Variants in PRKCQ observed in about 807,000 individuals in gnomAD.
The protein encoded by PRKCQ is protein kinase C theta.
A neutral mutation model predicts 91.2 loss-of-function variants in PRKCQ; 41 were observed. The observed-to-expected ratio is 0.45, with a 90% CI of 0.35 to 0.58. The LOEUF (loss-of-function observed/expected upper bound fraction) is 0.58, where lower values mean the gene tolerates loss of function less well. Among genes scored for constraint, PRKCQ ranks in the 20% least tolerant of loss-of-function variants. PRKCQ has a pLI of 0.00. For missense variants in PRKCQ, 673 were observed against 896.5 expected, an observed-to-expected ratio of 0.75 and a Z score of 3.18; for synonymous variants, 307 against 316.9, an observed-to-expected ratio of 0.97 and a Z score of 0.33.
In PRKCQ at chr10:6,468,146, G is replaced by A. The variant is rs1157383621; in HGVS notation, c.1354-3742C>T. Among the ~76,000 whole-genome samples the A allele has an allele frequency of 2.0e-5, 3 of 152,306 alleles. No homozygotes were observed. The East Asian group carries it at 5.8e-4, about 29-fold the overall frequency. ...GCATACACAAATATCATTTGGAGCA[G>A]ATAAAGGTCCTAGAGCTGTCAAAAT... On this transcript the variant is annotated intron_variant, in intron 12 of 17. Transcript: ENST00000263125.
intron 1 of PRKCQ, among the ~76,000 whole-genome samples, chr10:6,575,689 T>C (rs183391540): frequency 6.6e-6 from 1 of 152,268 alleles, no homozygotes; most frequent in African/African-American, 2.4e-5. Context: ...CATTCAATGA[T>C]TGGGTAAAAA....
At chr10:6,552,164 T>C (rs1317517023) in intron 1 of PRKCQ, among the ~76,000 whole-genome samples, 2 of 152,190 alleles carry the variant, frequency 1.3e-5, no homozygotes, top group African/African-American at 4.8e-5. Flanking sequence ...TTTCTAATTT[T>C]TTTTGTGGTT....
intron 1 of PRKCQ, among the ~76,000 whole-genome samples, chr10:6,542,680 T>G (rs1224618195): frequency 6.6e-6 from 1 of 152,146 alleles, no homozygotes; most frequent in Non-Finnish European, 1.5e-5. Flanking sequence ...CCGTGTTAGA[T>G]TCTAGCACCC....
chr10:6,503,540 T>C (rs1367737927), intron 4 of PRKCQ, among the ~76,000 whole-genome samples: 1 of 152,150 alleles, frequency 6.6e-6, no homozygotes, highest in African/African-American at 2.4e-5. Flanking sequence ...TATGGAGAGC[T>C]GAGCCATTTA....
the PRKCQ span, among the ~76,000 whole-genome samples, chr10:6,404,383 GTTCTTTCTT>G: frequency 1.2e-4 from 15 of 120,368 alleles, no homozygotes; most frequent in East Asian, 3.4e-3. Flanking sequence ...TCTTTCTTTC[GTTCTTTCTT>G]TTCTTTCTTT....
rs1246387917 is a variant in PRKCQ, at chr10:6,553,510, A to T, written c.-10+26701T>A. Among the ~76,000 whole-genome samples, 71 of 147,196 alleles carry T rather than the reference A, an allele frequency of 4.8e-4. 2 individuals are homozygous for T. In the South Asian group the frequency reaches 0.013, roughly 28 times the overall value. On this transcript the variant is annotated intron_variant, in intron 1 of 17. Coordinates refer to ENST00000263125, the MANE Select transcript of PRKCQ (RefSeq NM_006257.5). The stretch of plus-strand genomic sequence containing the variant: ...GTCTCAAAAAAAAAAAAAAAAAAAA[A>T]AAAAAAACAAACAAACAAAAGAAGA...
Position 6,561,369 on chromosome 10 carries a change from CAAAAAAAAAAA to C in PRKCQ, c.-10+18831_-10+18841del, listed in dbSNP as rs3086735. On this transcript the variant is annotated intron_variant, in intron 1 of 17. Coordinates refer to ENST00000263125, the MANE Select transcript of PRKCQ (RefSeq NM_006257.5). ...GGACCACCAGAGTGAGACCCTGTCT[CAAAAAAAAAAA>C]AAAAAAAAAAAAAAAAGAAACAAGA... 2.5e-3 allele frequency among the ~76,000 whole-genome samples: 206 copies of C among 82,604 alleles called. 2 individuals are homozygous for C. Among genetic ancestry groups the C allele is most frequent in the Non-Finnish European group, 3.1e-3 (135 of 43,962 alleles). The allele number at this position is 82,604 out of a possible 152,430, so 54.2% of individuals were successfully genotyped here. A position where few individuals can be genotyped will look rare whatever the true frequency, so the allele number is the denominator to read the frequency against.
rs1838681705 is a variant in PRKCQ, at chr10:6,515,026, A to T, written c.110T>A (p.Val37Asp). 1.2e-6 allele frequency: 2 copies of T among 1,613,304 alleles called. No individual in the cohort carries two copies. The highest frequency in any genetic ancestry group is 1.7e-6 in the Non-Finnish European group (2 of 1,179,938). ...PYCAVLVKEY[V>D]ESENGQMYIQ... is the part of the protein sequence containing the mutation. ...AATCCCCTCAAGCTTACCTGATTCG[A>T]CATACTCTTTGACGAGCACAGCACA... is the stretch of plus-strand genomic sequence containing the variant. The change falls in exon 2 of 18, where the codon GTC (valine) becomes GAC (aspartate). Residue 37 changes from valine (V) to aspartate (D), a missense_variant. Transcript: ENST00000263125.
Position 6,575,386 on chromosome 10 carries a change from C to G in PRKCQ, c.-10+4825G>C, listed in dbSNP as rs117385478. Among the ~76,000 whole-genome samples, 546 of 152,288 alleles carry G rather than the reference C, an allele frequency of 3.6e-3. 23 individuals carry two copies. In the East Asian group the frequency reaches 0.082, roughly 23 times the overall value. On this transcript the variant is annotated intron_variant, in intron 1 of 17. Coordinates refer to ENST00000263125, the MANE Select transcript of PRKCQ (RefSeq NM_006257.5). ...AACTAATCTTCTAAAAAGCATCTGT[C>G]CCACACATTCAGGGTTATTAACACT...
At chr10:6,414,885 A>C in the PRKCQ span, among the ~76,000 whole-genome samples, 79 of 152,218 alleles carry the variant, frequency 5.2e-4, no homozygotes, top group Admixed American at 4.5e-3. Context: ...GACCCAAAGG[A>C]GGAGGAGACA....
In PRKCQ at chr10:6,458,695, C is replaced by A. The variant is rs193045576; in HGVS notation, c.1509-1883G>T. The stretch of plus-strand genomic sequence containing the variant: ...CAGCCTCCAAGACTCATCCAAGGAA[C>A]AGGGACCATGACACTTGCCTTGCTT... On this transcript the variant is annotated intron_variant, in intron 14 of 17. Transcript: ENST00000263125. 7.2e-5 allele frequency among the ~76,000 whole-genome samples: 11 copies of A among 152,292 alleles called. No homozygotes were observed. In the East Asian group the frequency reaches 2.1e-3, roughly 29 times the overall value.
the PRKCQ span, among the ~76,000 whole-genome samples, chr10:6,405,674 G>A: frequency 2.0e-5 from 3 of 152,172 alleles, no homozygotes; most frequent in African/African-American, 7.2e-5. Context: ...ATGCCCAAGA[G>A]CCCACTAGAT....
At chr10:6,469,760 C>G (rs964701721) in intron 12 of PRKCQ, among the ~76,000 whole-genome samples, 2 of 152,058 alleles carry the variant, frequency 1.3e-5, no homozygotes, top group African/African-American at 2.4e-5. Context: ...CCTCCCTACT[C>G]TAAAATTCTT....
At chr10:6,559,533 A>G (rs1840543866) in intron 1 of PRKCQ, among the ~76,000 whole-genome samples, 1 of 151,936 alleles carries the variant, frequency 6.6e-6, no homozygotes, top group Non-Finnish European at 1.5e-5. Context: ...TAATTTTTAT[A>G]TTTTTAGTAG....
chr10:6,485,239 A>G lies in PRKCQ; in HGVS notation c.931T>C (p.Phe311Leu), dbSNP rs931424668. 2 of 1,614,104 alleles carry G rather than the reference A, an allele frequency of 1.2e-6. No homozygotes were observed. ...CCAATTTCAACCGGACCTTCTCTGA[A>G]GATCTGTTCAGTATCTCTTAAGCAG... ...ARCLRDTEQI[F>L]REGPVEIGLP... is the part of the protein sequence containing the mutation. The change falls in exon 10 of 18, where the codon TTC (phenylalanine) becomes CTC (leucine). Residue 311 changes from phenylalanine to leucine, a missense_variant. Transcript: ENST00000263125.
chr10:6,489,342 G>T, intron 8 of PRKCQ: 1 of 489,214 alleles, frequency 2.0e-6, no homozygotes, highest in Non-Finnish European at 4.2e-6. Flanking sequence ...TTGCATGGCC[G>T]CGAAGAAAGG....
chr10:6,503,743 T>C (rs574425969), intron 4 of PRKCQ, among the ~76,000 whole-genome samples: 1 of 152,328 alleles, frequency 6.6e-6, no homozygotes, highest in African/African-American at 2.4e-5. Context: ...CAACATTTTT[T>C]CCCTTCATTC....
the PRKCQ span, among the ~76,000 whole-genome samples, chr10:6,412,912 C>T: frequency 2.0e-5 from 3 of 152,150 alleles, no homozygotes; most frequent in Admixed American, 6.5e-5. Flanking sequence ...CACAATTGCT[C>T]GTGTACTCTA....
chr10:6,557,294 C>G (rs1266430325), intron 1 of PRKCQ, among the ~76,000 whole-genome samples: 1 of 152,172 alleles, frequency 6.6e-6, no homozygotes, highest in Non-Finnish European at 1.5e-5. Context: ...TGGTCATTTC[C>G]AGACCCTGCG....
Sources: allele counts gnomAD v4.1 joint callset (sites outside exome capture counted in the v4.1 genomes callset), GRCh38; gene constraint gnomAD v4.1.1; transcripts MANE v1.5; gene names NCBI Gene and HGNC (gene_info 2026-07-23, HGNC 2026-07-21).